PRKN: variants seen among roughly 807,000 people sequenced by gnomAD.
PRKN encodes E3 ubiquitin-protein ligase parkin.
Under a neutral mutation model 59.5 loss-of-function variants are expected in PRKN, and 56 were observed. That is an observed-to-expected ratio of 0.94 (90% CI 0.76 to 1.18). PRKN has a LOEUF of 1.18. Ranked by LOEUF, PRKN falls within the 50% of genes most tolerant of loss-of-function variation. PRKN has a pLI of 0.00. For synonymous variants in PRKN, 250 were observed against 222.1 expected, an observed-to-expected ratio of 1.13 and a Z score of -1.12; for missense variants, 657 against 596.4, an observed-to-expected ratio of 1.10 and a Z score of -1.06.
intron 7 of PRKN, among the ~76,000 whole-genome samples, chr6:161,641,686 G>A (rs1783744808): frequency 6.6e-6 from 1 of 152,172 alleles, no homozygotes; most frequent in South Asian, 2.1e-4. Flanking sequence ...AACCCATTGG[G>A]CAGTATAGGA....
chr6:162,246,944 T>G (rs982920488), intron 3 of PRKN, among the ~76,000 whole-genome samples: 3 of 152,174 alleles, frequency 2.0e-5, no homozygotes, highest in African/African-American at 4.8e-5. Flanking sequence ...TAATTTGTAT[T>G]AAGGCTGAAA....
chr6:161,541,085 G>A (rs1005664204), intron 9 of PRKN, among the ~76,000 whole-genome samples: 10 of 152,184 alleles, frequency 6.6e-5, no homozygotes, highest in South Asian at 4.1e-4. Context: ...GTTTGCAAAT[G>A]TTATTCCTTG....
chr6:162,273,424 A>G (rs573803589), intron 2 of PRKN, among the ~76,000 whole-genome samples: 73 of 152,340 alleles, frequency 4.8e-4, no homozygotes, highest in African/African-American at 1.7e-3. Flanking sequence ...ATGTCAGTAC[A>G]TAAATAAAAG....
At chr6:161,476,152 A>G (rs571417052) in intron 9 of PRKN, among the ~76,000 whole-genome samples, 1 of 151,110 alleles carries the variant, frequency 6.6e-6, no homozygotes, top group African/African-American at 2.4e-5. Context: ...GCGCCACTGT[A>G]CTCCAACCTG....
At position 162,598,513 on chromosome 6, in the gene PRKN, T is replaced by C. The variant is rs553875323; in HGVS notation, c.7+129149A>G. Reference sequence around the variant, plus strand: ...AGCAAGTAAATAATAATTAGTTCTATAAATAACAGAAAATATGAAGCCTAA... The same window carrying C: ...AGCAAGTAAATAATAATTAGTTCTACAAATAACAGAAAATATGAAGCCTAA... On this transcript the variant is annotated intron_variant, in intron 1 of 11. Coordinates refer to ENST00000366898, the MANE Select transcript of PRKN (RefSeq NM_004562.3). Among the ~76,000 whole-genome samples, 5 of 152,218 alleles carry C rather than the reference T, an allele frequency of 3.3e-5. No homozygotes were observed. In the East Asian group the frequency reaches 9.7e-4, roughly 29 times the overall value.
intron 9 of PRKN, among the ~76,000 whole-genome samples, chr6:161,495,027 A>C (rs1353620610): frequency 6.6e-6 from 1 of 152,228 alleles, no homozygotes; most frequent in Non-Finnish European, 1.5e-5. Flanking sequence ...TTTAATATCC[A>C]CTTTAGGAAA....
rs376576577 is a variant in PRKN at position 161,653,295 on chromosome 6, C to T, written c.872-83879G>A. Among the ~76,000 whole-genome samples, 10 of 152,104 alleles carry T rather than the reference C, an allele frequency of 6.6e-5. No individual in the cohort carries two copies. The East Asian group carries it at 7.7e-4, about 12-fold the overall frequency. ...AGGAGAATTGCTTGAACCCAGGAGG[C>T]GGAGGTTGCAGTGAGCCGAGATCAC... On this transcript the variant is annotated intron_variant, in intron 7 of 11. Coordinates refer to ENST00000366898, the MANE Select transcript of PRKN (RefSeq NM_004562.3).
At chr6:162,352,735 C>T (rs1784675049) in intron 2 of PRKN, among the ~76,000 whole-genome samples, 1 of 152,110 alleles carries the variant, frequency 6.6e-6, no homozygotes, top group Non-Finnish European at 1.5e-5. Context: ...CTAATTAGTA[C>T]TTGCTTAGTA....
At chr6:162,658,237 C>A (rs540200362) in intron 1 of PRKN, among the ~76,000 whole-genome samples, 1 of 152,298 alleles carries the variant, frequency 6.6e-6, no homozygotes, top group East Asian at 1.9e-4. Context: ...ATCTATTCAA[C>A]TTTCTTTCTG....
intron 4 of PRKN, among the ~76,000 whole-genome samples, chr6:162,154,315 G>A (rs869299): frequency 0.95 from 143,985 of 152,066 alleles, 68,502 homozygotes; most frequent in Non-Finnish European, 1. Context: ...AAAACACTGA[G>A]AACATCTGGG....
chr6:162,129,923 G>A (rs932595316), intron 4 of PRKN, among the ~76,000 whole-genome samples: 17 of 152,082 alleles, frequency 1.1e-4, no homozygotes, highest in African/African-American at 2.4e-4. Flanking sequence ...AAAAATATAC[G>A]AAAATAGGAA....
At chr6:161,636,478 G>A (rs1210047969) in intron 7 of PRKN, among the ~76,000 whole-genome samples, 1 of 152,214 alleles carries the variant, frequency 6.6e-6, no homozygotes, top group Non-Finnish European at 1.5e-5. Flanking sequence ...CATGGCATGG[G>A]GGCTGCTGTG....
chr6:162,174,901 G>C (rs971468009), intron 4 of PRKN, among the ~76,000 whole-genome samples: 1 of 152,054 alleles, frequency 6.6e-6, no homozygotes, highest in Non-Finnish European at 1.5e-5. Context: ...TAATATTTTG[G>C]ATCATCTTAA....
Position 161,378,633 on chromosome 6 carries a change from C to T in PRKN, c.1167+8161G>A, listed in dbSNP as rs1041101705. 1.6e-4 allele frequency among the ~76,000 whole-genome samples: 24 copies of T among 152,206 alleles called. No individual in the cohort carries two copies. The highest frequency in any genetic ancestry group is 2.4e-4 in the Non-Finnish European group (16 of 68,038). The stretch of plus-strand genomic sequence containing the variant: ...CCCTGCATGGCACTGCATTGTGTCC[C>T]AGTGGGTGCATACCCATGGGAACAC... On this transcript the variant is annotated intron_variant, in intron 10 of 11. Transcript: ENST00000366898. This position sits in a 1 kb window ranked among gnomAD's most constrained non-coding sequence, Gnocchi z 7.3.
chr6:161,718,611 C>T (rs558856859), intron 7 of PRKN, among the ~76,000 whole-genome samples: 12 of 152,160 alleles, frequency 7.9e-5, no homozygotes, highest in African/African-American at 2.9e-4. Flanking sequence ...GTGGGCACCC[C>T]GAGAGAAACA....
intron 7 of PRKN, among the ~76,000 whole-genome samples, chr6:161,726,054 T>C (rs1176900725): frequency 6.6e-6 from 1 of 152,168 alleles, no homozygotes; most frequent in Non-Finnish European, 1.5e-5. Flanking sequence ...TGACTTCACT[T>C]CACAAATCAA....
intron 5 of PRKN, among the ~76,000 whole-genome samples, chr6:161,981,552 A>C (rs1781257878): frequency 1.3e-5 from 2 of 152,074 alleles, no homozygotes; most frequent in Admixed American, 1.3e-4. Flanking sequence ...AAACCAAAAA[A>C]TGCCAGATAA....
chr6:162,445,148 A>C (rs1337921970), intron 1 of PRKN, among the ~76,000 whole-genome samples: 1 of 152,154 alleles, frequency 6.6e-6, no homozygotes, highest in Admixed American at 6.5e-5. Context: ...GCCAATAATA[A>C]TCAGGCACTT....
chr6:162,469,492 A>ATGTGTG (rs376285594), intron 1 of PRKN, among the ~76,000 whole-genome samples: 34,476 of 146,508 alleles, frequency 0.24, 4,111 homozygotes, highest in East Asian at 0.3. Flanking sequence ...AAACTGTGGT[A>ATGTGTG]TGTGTGTGTG....
Sources: allele counts gnomAD v4.1 joint callset (sites outside exome capture counted in the v4.1 genomes callset), GRCh38; gene constraint gnomAD v4.1.1; non-coding constraint Gnocchi (gnomAD v3.1); transcripts MANE v1.5; gene names NCBI Gene and HGNC (gene_info 2026-07-23, HGNC 2026-07-21).